The following SCMH1 variants were observed in gnomAD, a reference collection of about 807,000 sequenced individuals.
SCMH1 encodes the protein polycomb protein SCMH1.
In SCMH1, 37 loss-of-function variants were observed where a neutral mutation model predicts 70.8. That is an observed-to-expected ratio of 0.52 (90% confidence interval 0.40 to 0.69). The LOEUF is 0.69. Ranked by LOEUF, SCMH1 falls within the 30% of genes least tolerant of loss-of-function variation. The pLI, the probability that SCMH1 is intolerant of heterozygous loss-of-function variation, is 0.00. For missense variants in SCMH1, 607 were observed against 827.3 expected, an observed-to-expected ratio of 0.73 and a Z score of 3.27; for synonymous variants, 292 against 307.4, an observed-to-expected ratio of 0.95 and a Z score of 0.52.
chr1:41,140,566 C>T (rs1390519866), intron 6 of SCMH1, among the ~76,000 whole-genome samples: 1 of 152,156 alleles, frequency 6.6e-6, no homozygotes, highest in Non-Finnish European at 1.5e-5. Flanking sequence ...GCTGGGATTA[C>T]AGGTGTGAGC....
intron 1 of SCMH1, among the ~76,000 whole-genome samples, chr1:41,229,140 G>A (rs1660828120): frequency 6.6e-6 from 1 of 151,776 alleles, no homozygotes; most frequent in Admixed American, 6.6e-5. Context: ...AGGTTGCAGT[G>A]AGCCAAGATT....
intron 2 of SCMH1, among the ~76,000 whole-genome samples, chr1:41,166,024 A>G (rs758824695): frequency 6.6e-6 from 1 of 152,094 alleles, no homozygotes. Context: ...GTTGATTCTC[A>G]TATGAGGGGT....
At chr1:41,135,351 G>A (rs1643111690) in intron 6 of SCMH1, among the ~76,000 whole-genome samples, 2 of 152,110 alleles carry the variant, frequency 1.3e-5, no homozygotes, top group South Asian at 4.1e-4. Flanking sequence ...CCCCACATAT[G>A]ATGATAGGGA....
intron 6 of SCMH1, among the ~76,000 whole-genome samples, chr1:41,132,314 T>C (rs1642475291): frequency 6.6e-6 from 1 of 152,230 alleles, no homozygotes; most frequent in East Asian, 1.9e-4. Flanking sequence ...ATGAGCATTT[T>C]TTCATGTGTC....
chr1:41,084,214 C>T (rs1458032769), intron 8 of SCMH1, among the ~76,000 whole-genome samples: 16 of 152,082 alleles, frequency 1.1e-4, no homozygotes, highest in African/African-American at 3.6e-4. Context: ...AGAAAATTTT[C>T]GCAACCTATT....
At chr1:41,118,962 ACTAT>A (rs2147927997) in intron 6 of SCMH1, among the ~76,000 whole-genome samples, 1 of 152,352 alleles carries the variant, frequency 6.6e-6, no homozygotes, top group East Asian at 1.9e-4. Context: ...CTTTCTATTG[ACTAT>A]CTAATCCTCA....
intron 8 of SCMH1, among the ~76,000 whole-genome samples, chr1:41,079,399 T>C (rs1028484475): frequency 2.0e-5 from 3 of 151,922 alleles, no homozygotes; most frequent in African/African-American, 7.3e-5. Context: ...GGCCCTGAGA[T>C]ACAAAGACAC....
At chr1:41,140,670 C>T (rs1326880165) in intron 6 of SCMH1, among the ~76,000 whole-genome samples, 1 of 152,170 alleles carries the variant, frequency 6.6e-6, no homozygotes, top group Non-Finnish European at 1.5e-5. Flanking sequence ...TAGCACTGAG[C>T]ACTCTAGTGT....
At chr1:41,143,186 G>T in intron 5 of SCMH1, 74 bp from the exon 6 acceptor site, 1 of 1,144,962 alleles carries the variant, frequency 8.7e-7, no homozygotes, top group Non-Finnish European at 1.3e-6. Flanking sequence ...GATTCAGATT[G>T]GTTATAGCTG....
At chr1:41,102,171 G>A (rs111510559) in intron 8 of SCMH1, among the ~76,000 whole-genome samples, 1 of 149,942 alleles carries the variant, frequency 6.7e-6, no homozygotes, top group African/African-American at 2.4e-5. Flanking sequence ...GCATGCACAC[G>A]CATGTGTGTG....
At chr1:41,098,336 C>T (rs918420606) in intron 8 of SCMH1, among the ~76,000 whole-genome samples, 2 of 152,156 alleles carry the variant, frequency 1.3e-5, no homozygotes, top group African/African-American at 4.8e-5. Flanking sequence ...TTTTACCAGG[C>T]TTCAATTTCC....
chr1:41,051,012 G>A (rs1647925826), intron 10 of SCMH1, among the ~76,000 whole-genome samples: 1 of 152,158 alleles, frequency 6.6e-6, no homozygotes, highest in Non-Finnish European at 1.5e-5. Flanking sequence ...ACACCTATAA[G>A]AATGTTCATA....
intron 4 of SCMH1, among the ~76,000 whole-genome samples, chr1:41,152,040 T>C (rs1402727318): frequency 6.6e-6 from 1 of 152,132 alleles, no homozygotes; most frequent in Non-Finnish European, 1.5e-5. Flanking sequence ...GAGATTCCTT[T>C]TGAACAATCT....
intron 4 of SCMH1, among the ~76,000 whole-genome samples, chr1:41,157,015 G>A (rs1645616197): frequency 6.7e-6 from 1 of 149,034 alleles, no homozygotes; most frequent in Non-Finnish European, 1.5e-5. Flanking sequence ...GGAGTGTGGT[G>A]GCACAATCAT....
intron 8 of SCMH1, among the ~76,000 whole-genome samples, chr1:41,109,103 T>C (rs1026978021): frequency 6.6e-6 from 1 of 152,204 alleles, no homozygotes; most frequent in African/African-American, 2.4e-5. Context: ...ATATTGGTCC[T>C]GACAGGTGGC....
chr1:41,071,625 G>A (rs1399276199), intron 9 of SCMH1, among the ~76,000 whole-genome samples: 2 of 151,962 alleles, frequency 1.3e-5, no homozygotes, highest in Non-Finnish European at 2.9e-5. Flanking sequence ...AGTTTTTGGG[G>A]GAGAAAGATC....
chr1:41,110,350 A>C (rs575762195), intron 8 of SCMH1, among the ~76,000 whole-genome samples: 2 of 152,240 alleles, frequency 1.3e-5, no homozygotes, highest in African/African-American at 4.8e-5. Context: ...TTCACCCTAC[A>C]TTTGTGTTTT....
intron 12 of SCMH1, among the ~76,000 whole-genome samples, chr1:41,046,198 C>G (rs929254398): frequency 1.3e-5 from 2 of 152,012 alleles, no homozygotes; most frequent in South Asian, 4.2e-4. Flanking sequence ...TAGGGGTGAT[C>G]CTAGAGACAG....
chr1:41,170,067 A>G (rs2148499182), intron 2 of SCMH1, among the ~76,000 whole-genome samples: 1 of 152,336 alleles, frequency 6.6e-6, no homozygotes, highest in East Asian at 1.9e-4. Flanking sequence ...TTCTGGGGGC[A>G]AACAGGGAGC....
Sources: gnomAD v4.1 joint callset for allele counts (sites outside exome capture counted in the v4.1 genomes callset) on GRCh38, gnomAD v4.1.1 for gene constraint, MANE v1.5 for transcripts, NCBI Gene and HGNC (gene_info 2026-07-23, HGNC 2026-07-21) for gene names.